Variants in FILIP1 observed in about 807,000 individuals in gnomAD.
The protein encoded by FILIP1 is filamin A interacting protein 1, also known as filamin-A-interacting protein 1.
A neutral mutation model predicts 102.1 loss-of-function variants in FILIP1; 61 were observed. That is an observed-to-expected ratio of 0.60 (90% CI 0.49 to 0.74). The LOEUF is 0.74. FILIP1 is among the 30% of genes least tolerant of loss of function. FILIP1 has a pLI of 0.00. For synonymous variants in FILIP1, 491 were observed against 526.9 expected (o/e 0.93, Z 0.93); for missense variants, 1,314 against 1,441.2 (o/e 0.91, Z 1.43).
intron 1 of FILIP1, among the ~76,000 whole-genome samples, chr6:75,440,165 G>A (rs372095649): frequency 5.9e-5 from 9 of 152,054 alleles, no homozygotes; most frequent in East Asian, 3.9e-4. Context: ...AATCCATCAC[G>A]GGCTCTTTGG....
At chr6:75,302,841 G>GATATGAT (rs1772878340) in intron 6 of FILIP1, among the ~76,000 whole-genome samples, 1 of 151,858 alleles carries the variant, frequency 6.6e-6, no homozygotes, top group African/African-American at 2.4e-5. Flanking sequence ...GATATGATAT[G>GATATGAT]ATATGATATG....
chr6:75,327,693 T>TATATTAAC (rs1773918712), intron 4 of FILIP1, among the ~76,000 whole-genome samples: 1 of 151,782 alleles, frequency 6.6e-6, no homozygotes, highest in East Asian at 1.9e-4. Flanking sequence ...TTAAGAGATA[T>TATATTAAC]ATATTAACGT....
At chr6:75,450,275 G>A (rs962531130) in intron 1 of FILIP1, among the ~76,000 whole-genome samples, 1 of 152,076 alleles carries the variant, frequency 6.6e-6, no homozygotes, top group Admixed American at 6.6e-5. Flanking sequence ...ACCATGCCCA[G>A]GCTAAACTAA....
At chr6:75,488,021 G>A (rs562599496) in intron 1 of FILIP1, among the ~76,000 whole-genome samples, 9 of 152,134 alleles carry the variant, frequency 5.9e-5, no homozygotes, top group African/African-American at 2.2e-4. Context: ...GATAATTTCT[G>A]CATTAGCTTT....
At chr6:75,375,712 A>G (rs963986391) in intron 2 of FILIP1, among the ~76,000 whole-genome samples, 1 of 152,222 alleles carries the variant, frequency 6.6e-6, no homozygotes, top group African/African-American at 2.4e-5. Flanking sequence ...ACAAAATAAA[A>G]CTACATTGTC....
At chr6:75,491,767 C>G (rs1562676598) in intron 1 of FILIP1, among the ~76,000 whole-genome samples, 1 of 152,102 alleles carries the variant, frequency 6.6e-6, no homozygotes, top group Non-Finnish European at 1.5e-5. Context: ...GCTGTTGATT[C>G]TCAAGAATAA....
intron 4 of FILIP1, among the ~76,000 whole-genome samples, chr6:75,329,992 T>C (rs1315294739): frequency 6.6e-6 from 1 of 152,220 alleles, no homozygotes; most frequent in East Asian, 1.9e-4. Context: ...ATTATAGTTA[T>C]CCAGAATTAA....
rs568751104 is a variant in FILIP1, at chr6:75,314,034, G to A, written c.1798C>T (p.Leu600Phe). 2.2e-5 allele frequency: 34 copies of A among 1,526,118 alleles called. No individual in the cohort carries two copies. The South Asian group carries it at 3.8e-4, about 17-fold the overall frequency. The allele number at this position is 1,526,118 out of a possible 1,614,324, so 94.5% of individuals were successfully genotyped here. A position where few individuals can be genotyped will look rare whatever the true frequency, so the allele number is the denominator to read the frequency against. Residue 600 changes from leucine to phenylalanine, a missense_variant, in exon 5 of 6, where the codon CTT becomes TTT. This residue lies in a region of FILIP1 where 816 missense variants were observed against 913.1 expected (regional missense o/e 0.89). Coordinates refer to ENST00000237172, the MANE Select transcript of FILIP1 (RefSeq NM_015687.5). ...SCSVDLLKKR[L>F]DGIEEVEREI... Reference sequence around the variant, plus strand: ...CTTTCCACTTCCTCTATACCATCAAGTCTCTTCTTTAGTAAGTCAACACTG... The same window carrying A: ...CTTTCCACTTCCTCTATACCATCAAATCTCTTCTTTAGTAAGTCAACACTG...
intron 2 of FILIP1, chr6:75,385,571 T>A (rs1335852900): frequency 6.6e-6 from 1 of 152,174 alleles, no homozygotes; most frequent in African/African-American, 2.4e-5. Context: ...CTCTTACTCC[T>A]TTATCATGTA....
chr6:75,331,304 T>C (rs1774071408), intron 4 of FILIP1, among the ~76,000 whole-genome samples: 1 of 152,166 alleles, frequency 6.6e-6, no homozygotes. Context: ...TTCTGATAAT[T>C]TGCTGACCAT....
At chr6:75,432,752 T>C (rs61329274) in intron 1 of FILIP1, among the ~76,000 whole-genome samples, 6 of 152,322 alleles carry the variant, frequency 3.9e-5, no homozygotes, top group African/African-American at 1.4e-4. Context: ...TACGTATGTA[T>C]ACATGTGCCA....
At chr6:75,408,399 T>C (rs148675278) in intron 2 of FILIP1, among the ~76,000 whole-genome samples, 69 of 152,264 alleles carry the variant, frequency 4.5e-4, no homozygotes, top group African/African-American at 1.6e-3. Context: ...CTAATACATA[T>C]CCATTAAAGG....
chr6:75,486,802 C>T (rs550788793), intron 1 of FILIP1, among the ~76,000 whole-genome samples: 1 of 152,050 alleles, frequency 6.6e-6, no homozygotes, highest in African/African-American at 2.4e-5. Flanking sequence ...TAGTAATATT[C>T]TCAAGTATAT....
chr6:75,442,561 G>C (rs951772178), intron 1 of FILIP1, among the ~76,000 whole-genome samples: 5 of 152,088 alleles, frequency 3.3e-5, no homozygotes, highest in East Asian at 1.9e-4. Flanking sequence ...AGACCAGCCC[G>C]GCCAACACAG....
intron 4 of FILIP1, among the ~76,000 whole-genome samples, chr6:75,320,620 C>G (rs1328316302): frequency 6.6e-6 from 1 of 152,020 alleles, no homozygotes; most frequent in Admixed American, 6.6e-5. Flanking sequence ...TGGAAATTAC[C>G]TAAATAGAGA....
chr6:75,406,414 A>G (rs1298906369), intron 2 of FILIP1, among the ~76,000 whole-genome samples: 1 of 152,054 alleles, frequency 6.6e-6, no homozygotes, highest in Non-Finnish European at 1.5e-5. Flanking sequence ...TTTTTAGTGA[A>G]GCTCCCATAT....
At chr6:75,351,222 C>T (rs1425588951) in intron 4 of FILIP1, among the ~76,000 whole-genome samples, 3 of 152,064 alleles carry the variant, frequency 2.0e-5, no homozygotes, top group African/African-American at 4.8e-5. Context: ...CACCACCATG[C>T]CCGGCTAATT....
At chr6:75,441,239 C>T (rs949687256) in intron 1 of FILIP1, among the ~76,000 whole-genome samples, 7 of 151,758 alleles carry the variant, frequency 4.6e-5, no homozygotes, top group Non-Finnish European at 1.0e-4. Context: ...CTTGCACCGC[C>T]CTTAATCCAT....
At chr6:75,302,974 A>T (rs1218667544) in intron 6 of FILIP1, among the ~76,000 whole-genome samples, 1 of 152,162 alleles carries the variant, frequency 6.6e-6, no homozygotes, top group Non-Finnish European at 1.5e-5. Flanking sequence ...GAGTAACCCA[A>T]ATGAAAAGTA....
Sources: allele counts gnomAD v4.1 joint callset (sites outside exome capture counted in the v4.1 genomes callset), GRCh38; gene constraint gnomAD v4.1.1; regional missense constraint gnomAD v4.1.1; transcripts MANE v1.5; gene names NCBI Gene and HGNC (gene_info 2026-07-23, HGNC 2026-07-21).